Variants in PRELID2 observed in about 807,000 individuals in gnomAD.
The protein encoded by PRELID2 is PRELI domain-containing protein 2.
PRELID2 carries 25 observed loss-of-function variants against 28.4 expected under a neutral mutation model. That is an observed-to-expected ratio of 0.88 (90% CI 0.64 to 1.23). The LOEUF is 1.23. Ranked by LOEUF, PRELID2 falls within the 50% of genes most tolerant of loss-of-function variation. PRELID2 has a pLI of 0.00. For synonymous variants in PRELID2, 76 were observed against 71.6 expected (o/e 1.06, Z -0.31); for missense variants, 201 against 214.4 (o/e 0.94, Z 0.39).
At chr5:145,300,739 G>A in the PRELID2 span, among the ~76,000 whole-genome samples, 1 of 145,682 alleles carries the variant, frequency 6.9e-6, no homozygotes, top group East Asian at 2.0e-4. Context: ...TGTCCTTAGG[G>A]TATATCCCAC....
At chr5:145,443,273 G>A in the PRELID2 span, among the ~76,000 whole-genome samples, 1 of 151,848 alleles carries the variant, frequency 6.6e-6, no homozygotes, top group Admixed American at 6.6e-5. Flanking sequence ...AGTTTCAGGG[G>A]GTCTCCCTAT....
At chr5:145,379,449 G>A in the PRELID2 span, among the ~76,000 whole-genome samples, 3 of 152,130 alleles carry the variant, frequency 2.0e-5, no homozygotes, top group Non-Finnish European at 2.9e-5. Context: ...GGTGGTGTTG[G>A]CTTGGAGGCA....
chr5:145,749,239 T>C (rs1032509481), intron 1 of PRELID2, among the ~76,000 whole-genome samples: 15 of 152,058 alleles, frequency 9.9e-5, no homozygotes, highest in African/African-American at 3.6e-4. Flanking sequence ...AGGTCTAATA[T>C]CTAGAATTTA....
chr5:145,398,061 T>C, the PRELID2 span, among the ~76,000 whole-genome samples: 1 of 152,138 alleles, frequency 6.6e-6, no homozygotes, highest in Non-Finnish European at 1.5e-5. Context: ...TAAATCCCCA[T>C]GGCCTCATCT....
the PRELID2 span, among the ~76,000 whole-genome samples, chr5:145,388,979 T>C: frequency 1.1e-3 from 167 of 152,256 alleles, 2 homozygotes; most frequent in African/African-American, 3.9e-3. Flanking sequence ...TGATGTACCA[T>C]AAGCACAATG....
intron 1 of PRELID2, among the ~76,000 whole-genome samples, chr5:145,568,726 A>C (rs1752990165): frequency 6.6e-6 from 1 of 152,176 alleles, no homozygotes; most frequent in Non-Finnish European, 1.5e-5. Flanking sequence ...TTAGCTACTT[A>C]GATTTCTGTT....
intron 1 of PRELID2, among the ~76,000 whole-genome samples, chr5:145,616,443 C>G (rs536252258): frequency 2.0e-5 from 3 of 152,142 alleles, no homozygotes; most frequent in African/African-American, 7.2e-5. Flanking sequence ...CGATATTTCA[C>G]GTAGGTTCTT....
the PRELID2 span, among the ~76,000 whole-genome samples, chr5:145,264,417 A>G: frequency 6.6e-6 from 1 of 152,204 alleles, no homozygotes; most frequent in Non-Finnish European, 1.5e-5. Flanking sequence ...ATAGATGAAG[A>G]AAAAGTATTT....
At chr5:145,285,796 C>T in the PRELID2 span, among the ~76,000 whole-genome samples, 1 of 152,088 alleles carries the variant, frequency 6.6e-6, no homozygotes, top group South Asian at 2.1e-4. Flanking sequence ...AATGTCAGGT[C>T]ACCCTTCAAG....
the PRELID2 span, among the ~76,000 whole-genome samples, chr5:145,442,024 T>C: frequency 6.6e-6 from 1 of 152,118 alleles, no homozygotes; most frequent in African/African-American, 2.4e-5. Flanking sequence ...ACTCAAAAGA[T>C]AGGAGACTCT....
the PRELID2 span, among the ~76,000 whole-genome samples, chr5:145,411,217 A>G: frequency 6.6e-6 from 1 of 152,212 alleles, no homozygotes; most frequent in Non-Finnish European, 1.5e-5. Context: ...AGCAAGTCAC[A>G]TCTTACGTGG....
At chr5:145,414,340 C>G in the PRELID2 span, among the ~76,000 whole-genome samples, 1 of 152,160 alleles carries the variant, frequency 6.6e-6, no homozygotes, top group Admixed American at 6.5e-5. Context: ...CTTGTTGTAG[C>G]CAAAGGTGAT....
chr5:145,328,777 TA>T, the PRELID2 span, among the ~76,000 whole-genome samples: 1 of 152,240 alleles, frequency 6.6e-6, no homozygotes, highest in Non-Finnish European at 1.5e-5. Flanking sequence ...CTCTTTAGTT[TA>T]ATTAGATCCC....
At chr5:145,649,305 G>A (rs894945010) in intron 1 of PRELID2, among the ~76,000 whole-genome samples, 5 of 151,994 alleles carry the variant, frequency 3.3e-5, no homozygotes, top group African/African-American at 4.8e-5. Flanking sequence ...GGCGGGATCC[G>A]GAACCAATCC....
At chr5:145,446,668 G>A in the PRELID2 span, among the ~76,000 whole-genome samples, 5 of 152,094 alleles carry the variant, frequency 3.3e-5, no homozygotes, top group South Asian at 4.1e-4. Context: ...AAATTATCCC[G>A]TATTATCATC....
chr5:145,817,198 A>AAAAAAAATATATATATATAT (rs1365517052), intron 4 of PRELID2, among the ~76,000 whole-genome samples: 5 of 70,064 alleles, frequency 7.1e-5, no homozygotes, highest in Non-Finnish European at 1.6e-4. Context: ...TTCAAAAAAA[A>AAAAAAAATATATATATATAT]ATAAATAAAT....
the PRELID2 span, among the ~76,000 whole-genome samples, chr5:145,245,377 C>A: frequency 6.6e-6 from 1 of 151,556 alleles, no homozygotes; most frequent in African/African-American, 2.4e-5. Flanking sequence ...AAGGCAGACA[C>A]GGAAAGAGAA....
At chr5:145,402,557 T>G in the PRELID2 span, among the ~76,000 whole-genome samples, 27 of 152,258 alleles carry the variant, frequency 1.8e-4, no homozygotes, top group African/African-American at 6.0e-4. Context: ...GGTCTCCTTG[T>G]TTGGAATCCC....
At position 145,726,684 on chromosome 5, in the gene PRELID2, C is replaced by A. The variant is rs189791580; in HGVS notation, n.70+38247G>T. On this transcript the variant is annotated intron_variant and non_coding_transcript_variant, in intron 1 of 2. Coordinates refer to the PRELID2 transcript ENST00000510259. ...GGATAGGCAAAGTATGATGGATATA[C>A]AATTATGTAGGTTAAATATAAATTG... is the stretch of plus-strand genomic sequence containing the variant. 7.2e-5 allele frequency among the ~76,000 whole-genome samples: 11 copies of A among 152,266 alleles called. No homozygotes were observed. In the East Asian group the frequency reaches 2.1e-3, roughly 29 times the overall value.
Sources: allele counts gnomAD v4.1 joint callset (sites outside exome capture counted in the v4.1 genomes callset), GRCh38; gene constraint gnomAD v4.1.1; transcripts MANE v1.5; gene names NCBI Gene and HGNC (gene_info 2026-07-23, HGNC 2026-07-21).